Variants in MUC3A observed in about 807,000 individuals in gnomAD.
MUC3A encodes the protein mucin-3A.
In MUC3A, 109 loss-of-function variants were observed where a neutral mutation model predicts 109.0. The observed-to-expected ratio is 1.00, with a 90% CI of 0.86 to 1.17. The LOEUF is 1.17. Among genes scored for constraint, MUC3A ranks in the 50% most tolerant of loss-of-function variants. MUC3A has a pLI of 0.00. For missense variants in MUC3A, 3,537 were observed against 2,469.4 expected, an observed-to-expected ratio of 1.43 and a Z score of -9.16; for synonymous variants, 1,398 against 981.4, an observed-to-expected ratio of 1.42 and a Z score of -7.93.
rs1278740340 is a variant in MUC3A, at chr7:100,961,099, C to G, written c.9052+162C>G. On this transcript the variant is annotated intron_variant, in intron 3 of 11. Coordinates refer to ENST00000379458, the MANE Select transcript of MUC3A (RefSeq NM_005960.2). ...GCCCTCCGCTGCCCTGTGTCATGCT[C>G]CTCTCCGTCCTCACCCTTAGGAGGT... is the stretch of plus-strand genomic sequence containing the variant. The G allele has an allele frequency of 1.3e-4, 131 of 981,292 alleles. No individual in the cohort carries two copies. In the South Asian group the frequency reaches 5.7e-3, roughly 43 times the overall value. 60.8% of individuals were successfully genotyped at this position (981,292 alleles called of 1,614,324 possible).
intron 2 of MUC3A, 30 bp from the exon 3 acceptor site, chr7:100,960,722 T>A: frequency 6.3e-7 from 1 of 1,595,370 alleles, no homozygotes; most frequent in Non-Finnish European, 8.5e-7. Context: ...GGCTTTATCC[T>A]GAGCTTCCCT....
rs1228030277 is a variant in MUC3A, at chr7:100,960,125, C to A, written c.8346C>A (p.Pro2782=). The part of the protein sequence containing the change: ...TITITIVPAS[P]TDPCVEMDPS... Reference sequence around the variant, plus strand: ...CAATTACCATAGTCCCTGCCTCCCCCACTGATCCATGTGTTGAAATGGATC... The same window carrying A: ...CAATTACCATAGTCCCTGCCTCCCCAACTGATCCATGTGTTGAAATGGATC... The change falls in exon 2 of 12, where the codon CCC becomes CCA. Residue 2782 remains proline (P), a synonymous_variant. Coordinates refer to ENST00000379458, the MANE Select transcript of MUC3A (RefSeq NM_005960.2). 1.9e-6 allele frequency: 3 copies of A among 1,546,544 alleles called. No individual in the cohort carries two copies. The highest frequency in any genetic ancestry group is 2.6e-6 in the Non-Finnish European group (3 of 1,152,458).
chr7:100,967,039 G>C lies in MUC3A; in HGVS notation c.9931-82G>C, dbSNP rs1009994739. 2.5e-6 allele frequency: 4 copies of C among 1,598,352 alleles called. No homozygotes were observed. In the African/African-American group the frequency reaches 5.3e-5, roughly 21 times the overall value. Reference sequence around the variant, plus strand: ...CGACCCCCACCAGGGCAGGGAGGGGGCTGGGCTCGGATCAGCAGTGACCTC... The same window carrying C: ...CGACCCCCACCAGGGCAGGGAGGGGCCTGGGCTCGGATCAGCAGTGACCTC... On this transcript the variant is annotated intron_variant, in intron 11 of 11. Transcript: ENST00000379458.
chr7:100,959,554 C>G lies in MUC3A; in HGVS notation c.7775C>G (p.Thr2592Arg). 8 of 1,591,240 alleles carry G rather than the reference C, an allele frequency of 5.0e-6. No homozygotes were observed. Among genetic ancestry groups the G allele is most frequent in the Non-Finnish European group, 6.0e-6 (7 of 1,176,380 alleles). The change falls in exon 2 of 12, where the codon ACA becomes AGA. Residue 2592 changes from threonine (T) to arginine (R), a missense_variant. By Grantham distance (71) the Thr-to-Arg change is moderately conservative (BLOSUM62 -1). Transcript: ENST00000379458. ...CTGACGTCAGCCACTGGGACCCAAA[C>G]ATCTCCTGCACCTACTACTGTCACC... The part of the protein sequence containing the change: ...PVLTSATGTQ[T>R]SPAPTTVTFG...
Position 100,953,298 on chromosome 7 carries a change from A to T in MUC3A, c.1519A>T (p.Thr507Ser). 1 of 506,876 alleles carries T rather than the reference A, an allele frequency of 2.0e-6. No individual in the cohort carries two copies. The highest frequency in any genetic ancestry group is 3.7e-5 in the Admixed American group (1 of 27,380). The allele number at this position is 506,876 out of a possible 1,614,324, so 31.4% of individuals were successfully genotyped here. The change falls in exon 2 of 12, where the codon ACT becomes TCT. Residue 507 changes from threonine to serine, a missense_variant. Physicochemically the swap from Thr to Ser is moderately conservative, Grantham distance 58 (BLOSUM62 1). Transcript: ENST00000379458. The part of the protein sequence containing the change: ...SSLVSMTSAT[T>S]PNVRPTFVST... ...CCTTGTCAGCATGACCTCTGCCACT[A>T]CTCCCAATGTGAGACCAACTTTTGT... is the stretch of plus-strand genomic sequence containing the variant.
At chr7:100,965,656 G>T (rs766525424) in intron 7 of MUC3A, 48 bp from the exon 8 acceptor site, 1 of 1,569,642 alleles carries the variant, frequency 6.4e-7, no homozygotes, top group East Asian at 2.2e-5. Context: ...CCCCTGAATA[G>T]AATGGATGAG....
chr7:100,949,576 G>C lies in MUC3A; in HGVS notation c.-49G>C. The C allele has an allele frequency of 6.7e-7, 1 of 1,492,432 alleles. No individual in the cohort carries two copies. The allele number at this position is 1,492,432 out of a possible 1,614,324, so 92.4% of individuals were successfully genotyped here. ...GCCCCAGGGCCACGTCCCTGCCGCTGTCTTGGTCCTGAAGCCTGTTCTGCC... is the reference window on the plus strand; with the variant it reads ...GCCCCAGGGCCACGTCCCTGCCGCTCTCTTGGTCCTGAAGCCTGTTCTGCC... On this transcript the variant is annotated 5_prime_UTR_variant, in exon 1 of 12. Transcript: ENST00000379458.
At chr7:100,960,712 G>A (rs1251639315) in intron 2 of MUC3A, 40 bp from the exon 3 acceptor site, 2 of 1,594,988 alleles carry the variant, frequency 1.3e-6, no homozygotes, top group African/African-American at 1.3e-5. Flanking sequence ...ACTGAGGTCA[G>A]GCTTTATCCT....
intron 5 of MUC3A, chr7:100,964,284 G>GTAGTAA: frequency 6.4e-6 from 1 of 156,366 alleles, no homozygotes; most frequent in East Asian, 1.8e-4. Context: ...AGTAAAAATA[G>GTAGTAA]TAATAATAAT....
Position 100,968,214 on chromosome 7 carries a change from A to AACTCTATT in MUC3A, c.*1052_*1053insACTCTATT, listed in dbSNP as rs1298067311. On this transcript the variant is annotated 3_prime_UTR_variant, in exon 12 of 12. Transcript: ENST00000379458. Reference sequence around the variant, plus strand: ...TCCTCCCCCTTCTCTTCCTGGTGTCACCTGGATTCCTGCAGTAACTCTGAG... The same window carrying AACTCTATT: ...TCCTCCCCCTTCTCTTCCTGGTGTCAACTCTATTCCTGGATTCCTGCAGTAACTCTGAG... The AACTCTATT allele has an allele frequency of 6.6e-6, 1 of 152,440 alleles. No homozygotes were observed. The highest frequency in any genetic ancestry group is 2.4e-5 in the African/African-American group (1 of 41,258). 9.4% of individuals were successfully genotyped at this position (152,440 alleles called of 1,614,324 possible).
In MUC3A at chr7:100,958,629, T is replaced by A; in HGVS notation, c.6850T>A (p.Ser2284Thr). The change falls in exon 2 of 12, where the codon TCA (serine) becomes ACA (threonine). Residue 2284 changes from serine (S) to threonine (T), a missense_variant. By Grantham distance (58) the Ser-to-Thr change is moderately conservative (BLOSUM62 1). Coordinates refer to ENST00000379458, the MANE Select transcript of MUC3A (RefSeq NM_005960.2). ...TTCAATCACCACCAGTGAGACCCCC[T>A]CACACAGTACTCCCAGCTCCACTTC... is the stretch of plus-strand genomic sequence containing the variant. Reference protein sequence around the residue: ...TSSITTSETPSHSTPSSTSLI... With the variant: ...TSSITTSETPTHSTPSSTSLI... 1.0e-5 allele frequency: 16 copies of A among 1,525,516 alleles called. No individual in the cohort carries two copies. Among genetic ancestry groups the A allele is most frequent in the Non-Finnish European group, 1.4e-5 (16 of 1,117,786 alleles). The allele number at this position is 1,525,516 out of a possible 1,614,324, so 94.5% of individuals were successfully genotyped here.
In MUC3A at chr7:100,966,689, G is replaced by T; in HGVS notation, c.9823G>T (p.Asp3275Tyr). Residue 3275 changes from aspartate to tyrosine, a missense_variant, in exon 10 of 12, where the codon GAT becomes TAT. Physicochemically the swap from Asp to Tyr is radical, Grantham distance 160 (BLOSUM62 -3). Coordinates refer to ENST00000379458, the MANE Select transcript of MUC3A (RefSeq NM_005960.2). Reference sequence around the variant, plus strand: ...GGACAGGAAATGGTTCGAGACCTGGGATGAGGAAGTCGTGGGCACTTTTTC... The same window carrying T: ...GGACAGGAAATGGTTCGAGACCTGGTATGAGGAAGTCGTGGGCACTTTTTC... ...DQDRKWFETWDEEVVGTFSNW... is the reference protein window; with the variant it reads ...DQDRKWFETWYEEVVGTFSNW... 1.3e-6 allele frequency: 2 copies of T among 1,598,556 alleles called. No homozygotes were observed. The highest frequency in any genetic ancestry group is 1.7e-6 in the Non-Finnish European group (2 of 1,179,832).
In MUC3A at chr7:100,959,419, C is replaced by A. The variant is rs374517359; in HGVS notation, c.7640C>A (p.Thr2547Asn). 116 of 1,539,092 alleles carry A rather than the reference C, an allele frequency of 7.5e-5. No individual in the cohort carries two copies. The highest frequency in any genetic ancestry group is 7.3e-4 in the South Asian group (57 of 78,406). ...TSSLVGTTSP[T>N]MSTVRMTLRI... ...TCCCTTGTGGGCACCACCTCTCCCA[C>A]CATGTCCACTGTGAGAATGACCCTC... The change falls in exon 2 of 12, where the codon ACC (threonine) becomes AAC (asparagine). Residue 2547 changes from threonine (T) to asparagine (N), a missense_variant. Physicochemically the swap from Thr to Asn is moderately conservative, Grantham distance 65. Coordinates refer to ENST00000379458, the MANE Select transcript of MUC3A (RefSeq NM_005960.2).
rs1298357434 is a variant in MUC3A, at chr7:100,952,143, T to C, written c.364T>C (p.Tyr122His). Residue 122 changes from tyrosine (Y) to histidine (H), a missense_variant, in exon 2 of 12, where the codon TAT becomes CAT. Coordinates refer to ENST00000379458, the MANE Select transcript of MUC3A (RefSeq NM_005960.2). The part of the protein sequence containing the change: ...VETTPPTVLV[Y>H]SATTECVYPT... ...AACCACTCCACCCACCGTGTTGGTC[T>C]ATTCAGCCACCACTGAGTGCGTGTA... 1.9e-6 allele frequency: 3 copies of C among 1,598,432 alleles called. No homozygotes were observed. Among genetic ancestry groups the C allele is most frequent in the African/African-American group, 2.7e-5 (2 of 74,958 alleles).
chr7:100,962,262 A>C (rs1468290111), intron 3 of MUC3A, among the ~76,000 whole-genome samples: 1 of 2,204 alleles, frequency 4.5e-4, no homozygotes. Context: ...AAAAAAAAAA[A>C]AAAAACTTAC....
chr7:100,965,620 G>T (rs1481624904), intron 7 of MUC3A, 84 bp from the exon 8 acceptor site: 20 of 1,535,886 alleles, frequency 1.3e-5, no homozygotes, highest in Non-Finnish European at 1.6e-5. Flanking sequence ...TCCTCCTCGC[G>T]CATATTCAGA....
rs750682762 is a variant in MUC3A at position 100,965,342 on chromosome 7, C to A, written c.9443C>A (p.Pro3148Gln). 6.3e-7 allele frequency: 1 copy of A among 1,598,536 alleles called. No homozygotes were observed. Among genetic ancestry groups the A allele is most frequent in the Non-Finnish European group, 8.5e-7 (1 of 1,179,500 alleles). ...VNNNSKTELT[P>Q]AAICRRAAPT... ...AACAACAGCAAGACAGAGCTGACCC[C>A]GGCAGGTAAGGGTGGGGTAAAGGGC... The change falls in exon 7 of 12, where the codon CCG becomes CAG. Residue 3148 changes from proline to glutamine, a missense_variant. Physicochemically the swap from Pro to Gln is moderately conservative, Grantham distance 76. Transcript: ENST00000379458.
At position 100,959,157 on chromosome 7, in the gene MUC3A, A is replaced by T. The variant is rs112690320; in HGVS notation, c.7378A>T (p.Thr2460Ser). Residue 2460 changes from threonine to serine, a missense_variant, in exon 2 of 12, where the codon ACC becomes TCC. Physicochemically the swap from Thr to Ser is moderately conservative, Grantham distance 58. Coordinates refer to ENST00000379458, the MANE Select transcript of MUC3A (RefSeq NM_005960.2). ...AGTCAGCACATCCACAACTGCCATC[A>T]CCTCACATTTTACTACCTCAGAGAC... ...STVSTSTTAI[T>S]SHFTTSETAV... The T allele has an allele frequency of 2.6e-6, 4 of 1,543,182 alleles. No individual in the cohort carries two copies. Among genetic ancestry groups the T allele is most frequent in the Admixed American group, 1.8e-5 (1 of 54,368 alleles).
chr7:100,960,050 C>T lies in MUC3A; in HGVS notation c.8271C>T (p.Pro2757=), dbSNP rs899630451. The T allele has an allele frequency of 6.6e-7, 1 of 1,510,328 alleles. No individual in the cohort carries two copies. The allele number at this position is 1,510,328 out of a possible 1,614,324, so 93.6% of individuals were successfully genotyped here. ...SLTTALTEIT[P]FSYISLPSTT... ...CCACAGCTCTCACTGAAATAACCCCCTTTTCTTATATTTCCCTTCCCTCCA... is the reference window on the plus strand; with the variant it reads ...CCACAGCTCTCACTGAAATAACCCCTTTTTCTTATATTTCCCTTCCCTCCA... Residue 2757 remains proline (P), a synonymous_variant, in exon 2 of 12, where the codon CCC becomes CCT. Transcript: ENST00000379458.
Sources: allele counts gnomAD v4.1 joint callset (sites outside exome capture counted in the v4.1 genomes callset), GRCh38; gene constraint gnomAD v4.1.1; transcripts MANE v1.5; gene names NCBI Gene and HGNC (gene_info 2026-07-23, HGNC 2026-07-21).